ADAMTS6: variants seen among roughly 807,000 people sequenced by gnomAD.
The protein encoded by ADAMTS6 is A disintegrin and metalloproteinase with thrombospondin motifs 6.
A neutral mutation model predicts 144.3 loss-of-function variants in ADAMTS6; 23 were observed. The ratio of observed to expected loss-of-function variants is 0.16; its 90% CI spans 0.11 to 0.23. The LOEUF (loss-of-function observed/expected upper bound fraction) is 0.23. Ranked by LOEUF, ADAMTS6 falls within the 10% of genes least tolerant of loss-of-function variation. The pLI is 1.00. For synonymous variants in ADAMTS6, 444 were observed against 457.5 expected (o/e 0.97, Z 0.38); for missense variants, 999 against 1,379.6 (o/e 0.72, Z 4.37).
At chr5:65,479,190 C>T (rs1761039508) in intron 1 of ADAMTS6, among the ~76,000 whole-genome samples, 4 of 152,296 alleles carry the variant, frequency 2.6e-5, no homozygotes, top group Admixed American at 2.6e-4. Context: ...TTAATTTTTA[C>T]ATATGAAAAT....
chr5:65,269,035 AAG>A (rs1244795112), intron 12 of ADAMTS6, among the ~76,000 whole-genome samples: 1 of 152,168 alleles, frequency 6.6e-6, no homozygotes, highest in Non-Finnish European at 1.5e-5. Context: ...ACTCAGAGTT[AAG>A]ACCAGAGGTT....
intron 7 of ADAMTS6, among the ~76,000 whole-genome samples, chr5:65,356,246 AAGAC>A (rs1184467407): frequency 6.6e-6 from 1 of 151,916 alleles, no homozygotes; most frequent in Admixed American, 6.6e-5. Context: ...ATGTTAGATG[AAGAC>A]AGACATAATA....
At chr5:65,295,088 T>G (rs1378969496) in intron 10 of ADAMTS6, among the ~76,000 whole-genome samples, 2 of 152,122 alleles carry the variant, frequency 1.3e-5, no homozygotes, top group African/African-American at 4.8e-5. Context: ...CATTTATAAG[T>G]ATGTCACAGT....
At position 65,300,120 on chromosome 5, in the gene ADAMTS6, T is replaced by A. The variant is rs752133540; in HGVS notation, c.1235A>T (p.Asn412Ile). The A allele has an allele frequency of 6.2e-7, 1 of 1,613,838 alleles. No homozygotes were observed. ...AHEIGHNFGM[N>I]HDGIGNSCGT... ...ACAAGAATTTCCAATTCCATCATGGTTCATACCAAAACTGTTTTAATGAGG... is the reference window on the plus strand; with the variant it reads ...ACAAGAATTTCCAATTCCATCATGGATCATACCAAAACTGTTTTAATGAGG... The change falls in exon 10 of 25, where the codon AAC becomes ATC. Residue 412 changes from asparagine to isoleucine, a missense_variant. Coordinates refer to ENST00000381055, the MANE Select transcript of ADAMTS6 (RefSeq NM_197941.4).
intron 3 of ADAMTS6, among the ~76,000 whole-genome samples, chr5:65,470,560 TA>T (rs766453713): frequency 1.9e-3 from 294 of 152,182 alleles, no homozygotes; most frequent in Non-Finnish European, 3.5e-3. Flanking sequence ...CCTCTTCTAA[TA>T]ATAGAGTTTT....
At chr5:65,208,747 T>C (rs967419466) in intron 20 of ADAMTS6, among the ~76,000 whole-genome samples, 3 of 152,306 alleles carry the variant, frequency 2.0e-5, no homozygotes, top group Middle Eastern at 3.4e-3. Flanking sequence ...AGCTGAGCAG[T>C]AGAACCACCT....
intron 7 of ADAMTS6, among the ~76,000 whole-genome samples, chr5:65,381,651 G>A (rs1752059867): frequency 6.7e-6 from 1 of 149,508 alleles, no homozygotes; most frequent in Non-Finnish European, 1.5e-5. Context: ...CTCCAAAAGT[G>A]CGGGGATTAC....
chr5:65,330,085 A>G (rs1000215782), intron 8 of ADAMTS6, among the ~76,000 whole-genome samples: 1 of 152,118 alleles, frequency 6.6e-6, no homozygotes, highest in Non-Finnish European at 1.5e-5. Context: ...TTTTAATAGG[A>G]GGAAAGTCAT....
At position 65,364,841 on chromosome 5, in the gene ADAMTS6, C is replaced by G. The variant is rs188917798; in HGVS notation, c.1074-30756G>C. ...TCAGCCTCCCAAAGTGCTGGGATTA[C>G]AGGCTTGAGTCACTGCGCCTGGCCT... On this transcript the variant is annotated intron_variant, in intron 7 of 24. Transcript: ENST00000381055. 1.2e-3 allele frequency among the ~76,000 whole-genome samples: 182 copies of G among 152,236 alleles called. 1 individual carries two copies. The highest frequency in any genetic ancestry group is 4.1e-3 in the African/African-American group (171 of 41,546).
chr5:65,198,801 G>GCCCTC (rs1561271923), intron 20 of ADAMTS6: 1 of 159,688 alleles, frequency 6.3e-6, no homozygotes, highest in Non-Finnish European at 1.5e-5. Flanking sequence ...CCTAAAATAA[G>GCCCTC]CCAAACAATG....
chr5:65,192,307 A>G (rs1755065582), intron 21 of ADAMTS6, among the ~76,000 whole-genome samples: 1 of 152,018 alleles, frequency 6.6e-6, no homozygotes, highest in South Asian at 2.1e-4. Flanking sequence ...CAATTAGATT[A>G]CCCTCAGGAA....
At chr5:65,233,546 T>C (rs1941464938) in intron 15 of ADAMTS6, among the ~76,000 whole-genome samples, 1 of 152,024 alleles carries the variant, frequency 6.6e-6, no homozygotes, top group African/African-American at 2.4e-5. Context: ...AACAATTAAT[T>C]ACATAAGATA....
intron 12 of ADAMTS6, among the ~76,000 whole-genome samples, chr5:65,267,206 A>T (rs1343356175): frequency 2.0e-5 from 3 of 152,086 alleles, no homozygotes; most frequent in Admixed American, 1.3e-4. Context: ...GTTTTAAACT[A>T]GAAAAGTTAA....
chr5:65,472,957 T>C (rs1160881998), intron 2 of ADAMTS6, among the ~76,000 whole-genome samples: 6 of 152,164 alleles, frequency 3.9e-5, no homozygotes, highest in Admixed American at 3.9e-4. Flanking sequence ...TGCCTCTCAA[T>C]AATTCTATAA....
chr5:65,156,066 A>G (rs976350752), intron 24 of ADAMTS6, among the ~76,000 whole-genome samples: 5 of 152,226 alleles, frequency 3.3e-5, no homozygotes, highest in Non-Finnish European at 7.3e-5. Context: ...AACTGAAAGT[A>G]ATCTTCAAAA....
intron 7 of ADAMTS6, among the ~76,000 whole-genome samples, chr5:65,436,350 C>T (rs533374947): frequency 1.4e-4 from 22 of 152,136 alleles, no homozygotes; most frequent in African/African-American, 4.6e-4. Flanking sequence ...TGAAGGCCAC[C>T]GATTTATTTC....
chr5:65,348,470 A>G (rs1470527748), intron 7 of ADAMTS6, among the ~76,000 whole-genome samples: 1 of 152,156 alleles, frequency 6.6e-6, no homozygotes, highest in Non-Finnish European at 1.5e-5. Flanking sequence ...ATAGAAGTAG[A>G]GAATTGAATG....
intron 14 of ADAMTS6, among the ~76,000 whole-genome samples, chr5:65,247,955 A>G (rs1759778215): frequency 1.3e-5 from 2 of 152,170 alleles, no homozygotes; most frequent in Non-Finnish European, 2.9e-5. Flanking sequence ...CTGTTTGTTG[A>G]GGGAGTTTGA....
At chr5:65,176,786 G>C (rs1304944506) in intron 22 of ADAMTS6, among the ~76,000 whole-genome samples, 1 of 152,120 alleles carries the variant, frequency 6.6e-6, no homozygotes, top group Non-Finnish European at 1.5e-5. Context: ...AGCTTATCTG[G>C]TATAAAAATC....
Sources: gnomAD v4.1 joint callset for allele counts (sites outside exome capture counted in the v4.1 genomes callset) on GRCh38, gnomAD v4.1.1 for gene constraint, MANE v1.5 for transcripts, NCBI Gene and HGNC (gene_info 2026-07-23, HGNC 2026-07-21) for gene names.